INIP: variants seen among roughly 807,000 people sequenced by gnomAD.
The protein encoded by INIP is INTS3 and NABP interacting protein.
In INIP, 9 loss-of-function variants were observed where a neutral mutation model predicts 14.0. The observed-to-expected ratio is 0.64, with a 90% confidence interval of 0.39 to 1.12. The LOEUF is 1.12. INIP is among the 50% of genes most tolerant of loss of function. The pLI is 0.01. For synonymous variants in INIP, 37 were observed against 41.5 expected (o/e 0.89, Z 0.41); for missense variants, 78 against 122.7 (o/e 0.64, Z 1.72).
rs1423028404 is a variant in INIP at position 112,686,734 on chromosome 9, GTGATCTGCCCGCC to G, written c.*791_*803del. The G allele has an allele frequency of 6.6e-6, 1 of 152,212 alleles. No homozygotes were observed. Among genetic ancestry groups the G allele is most frequent in the African/African-American group, 2.4e-5 (1 of 41,452 alleles). The allele number at this position is 152,212 out of a possible 1,614,324, so 9.4% of individuals were successfully genotyped here. A position where few individuals can be genotyped will look rare whatever the true frequency, so the allele number is the denominator to read the frequency against. ...GCTGGTCTCAAACTCCTGATCTCAA[GTGATCTGCCCGCC>G]TTGGCCTCCCAAAGTGCTGGGATTA... is the stretch of plus-strand genomic sequence containing the variant. On this transcript the variant is annotated 3_prime_UTR_variant, in exon 5 of 5. Transcript: ENST00000374242.
chr9:112,713,176 A>AT (rs1393433501), intron 2 of INIP, among the ~76,000 whole-genome samples: 1 of 152,252 alleles, frequency 6.6e-6, no homozygotes, highest in East Asian at 1.9e-4. Flanking sequence ...ATAAAGGAAG[A>AT]TTTACAATGG....
At chr9:112,709,925 T>G (rs1838593912) in intron 2 of INIP, among the ~76,000 whole-genome samples, 1 of 152,252 alleles carries the variant, frequency 6.6e-6, no homozygotes, top group Admixed American at 6.5e-5. Context: ...CTCTTTGCCA[T>G]AGCAATTAAA....
chr9:112,687,936 G>A (rs1431021332), intron 4 of INIP, among the ~76,000 whole-genome samples: 12 of 151,690 alleles, frequency 7.9e-5, no homozygotes, highest in East Asian at 1.9e-4. Flanking sequence ...ATACAAAAAA[G>A]TTAGCCAGGC....
chr9:112,698,197 G>A (rs1266575975), intron 2 of INIP, among the ~76,000 whole-genome samples: 3 of 151,282 alleles, frequency 2.0e-5, no homozygotes, highest in East Asian at 3.9e-4. Context: ...CCAGCTAGTC[G>A]GGAGACTGAG....
rs148214819 is a variant in INIP at position 112,716,338 on chromosome 9, G to A, written c.25+123C>T. The A allele has an allele frequency of 4.9e-4, 424 of 865,204 alleles. 3 individuals carry two copies. The highest frequency in any genetic ancestry group is 2.6e-4 in the Admixed American group (14 of 54,700). The allele number at this position is 865,204 out of a possible 1,614,324, so 53.6% of individuals were successfully genotyped here. ...ATTACAGGCGTGAGCCACCGCTCCC[G>A]GCCTGCTATTCATTTTTTAAATTCT... On this transcript the variant is annotated intron_variant, in intron 2 of 4. Transcript: ENST00000374242.
chr9:112,715,194 A>C (rs1477374190), intron 2 of INIP, among the ~76,000 whole-genome samples: 1 of 151,778 alleles, frequency 6.6e-6, no homozygotes, highest in African/African-American at 2.4e-5. Context: ...TAAAAGACAA[A>C]AAATGGTATA....
At chr9:112,689,742 C>T (rs1837811752) in intron 3 of INIP, 125 bp from the exon 4 acceptor site, 1 of 657,622 alleles carries the variant, frequency 1.5e-6, no homozygotes, top group Non-Finnish European at 2.7e-6. Context: ...GCATATACTT[C>T]CAGTGTACAA....
intron 2 of INIP, among the ~76,000 whole-genome samples, chr9:112,704,131 A>G (rs571306066): frequency 1.3e-5 from 2 of 152,236 alleles, no homozygotes; most frequent in African/African-American, 4.8e-5. Flanking sequence ...TAAGCCAAAC[A>G]GTTCCAAAAA....
chr9:112,691,917 C>T (rs969360382), intron 3 of INIP, among the ~76,000 whole-genome samples: 5 of 151,392 alleles, frequency 3.3e-5, no homozygotes, highest in Non-Finnish European at 7.4e-5. Flanking sequence ...GGCTGAGGCA[C>T]GAGAATCACT....
chr9:112,715,163 C>CAA (rs1838769528), intron 2 of INIP, among the ~76,000 whole-genome samples: 1 of 151,050 alleles, frequency 6.6e-6, no homozygotes, highest in Non-Finnish European at 1.5e-5. Flanking sequence ...CACACACACA[C>CAA]ACACACACAC....
At chr9:112,716,095 CG>C (rs1805090747) in intron 2 of INIP, among the ~76,000 whole-genome samples, 1 of 151,932 alleles carries the variant, frequency 6.6e-6, no homozygotes, top group Admixed American at 6.6e-5. Flanking sequence ...TTTTTTGAGA[CG>C]GAGTCTCACT....
chr9:112,687,543 C>T lies in INIP; in HGVS notation c.310G>A (p.Glu104Lys). 1.3e-6 allele frequency: 2 copies of T among 1,596,410 alleles called. No individual in the cohort carries two copies. The highest frequency in any genetic ancestry group is 1.7e-6 in the Non-Finnish European group (2 of 1,164,982). The change falls in exon 5 of 5, where the codon GAA (glutamate) becomes AAA (lysine). Residue 104 changes from glutamate (E) to lysine (K), a missense_variant. Glu to Lys is a moderately conservative substitution (Grantham distance 56). Transcript: ENST00000374242. ...ILPVLPRLDP[E>K] ...TTCCATCGCAAATGTTTTCTTCATT[C>T]TGGGTCAAGGCGAGGTAAAACAGGA...
At chr9:112,698,853 T>TA (rs1410655181) in intron 2 of INIP, among the ~76,000 whole-genome samples, 1 of 152,222 alleles carries the variant, frequency 6.6e-6, no homozygotes. Flanking sequence ...TCTCATATAA[T>TA]AGCCTTCTTT....
chr9:112,688,871 A>G (rs1411465737), intron 4 of INIP, among the ~76,000 whole-genome samples: 1 of 152,268 alleles, frequency 6.6e-6, no homozygotes, highest in East Asian at 1.9e-4. Flanking sequence ...AAAATAAAAT[A>G]AAGTGAGATG....
chr9:112,701,043 T>C (rs1838280691), intron 2 of INIP, among the ~76,000 whole-genome samples: 2 of 152,186 alleles, frequency 1.3e-5, no homozygotes, highest in Admixed American at 6.6e-5. Flanking sequence ...AGCAGCCCAC[T>C]GGCCAGGAAC....
At chr9:112,690,594 C>CT (rs1202388267) in intron 3 of INIP, among the ~76,000 whole-genome samples, 1 of 152,242 alleles carries the variant, frequency 6.6e-6, no homozygotes, top group Non-Finnish European at 1.5e-5. Flanking sequence ...GGAACCCAAA[C>CT]TTGGTTCAAT....
intron 2 of INIP, among the ~76,000 whole-genome samples, chr9:112,705,403 C>T (rs1051702728): frequency 3.3e-5 from 5 of 151,964 alleles, no homozygotes; most frequent in Admixed American, 6.6e-5. Context: ...TTGACATCCC[C>T]GGCTCAAGGC....
At chr9:112,708,859 C>G (rs1343782556) in intron 2 of INIP, among the ~76,000 whole-genome samples, 1 of 146,750 alleles carries the variant, frequency 6.8e-6, no homozygotes, top group Non-Finnish European at 1.5e-5. Flanking sequence ...TTTTTTTTTT[C>G]AAAGACAGGG....
intron 2 of INIP, among the ~76,000 whole-genome samples, chr9:112,710,154 C>G (rs1041776733): frequency 6.6e-6 from 1 of 152,128 alleles, no homozygotes; most frequent in Non-Finnish European, 1.5e-5. Context: ...TAGGTGAAGA[C>G]TTGTACTTGG....
Sources: allele counts gnomAD v4.1 joint callset (sites outside exome capture counted in the v4.1 genomes callset), GRCh38; gene constraint gnomAD v4.1.1; transcripts MANE v1.5; gene names NCBI Gene and HGNC (gene_info 2026-07-23, HGNC 2026-07-21).